The following SLC44A5 variants were observed in gnomAD, a reference collection of about 807,000 sequenced individuals.
SLC44A5 encodes the protein choline transporter-like protein 5.
SLC44A5 carries 57 observed loss-of-function variants against 101.8 expected under a neutral mutation model. The observed-to-expected ratio is 0.56, with a 90% CI of 0.45 to 0.70. The LOEUF is 0.70. SLC44A5 is among the 30% of genes least tolerant of loss of function. SLC44A5 has a pLI of 0.00. For synonymous variants in SLC44A5, 281 were observed against 290.9 expected, an observed-to-expected ratio of 0.97 and a Z score of 0.35; for missense variants, 737 against 853.1, an observed-to-expected ratio of 0.86 and a Z score of 1.70.
At chr1:75,518,397 G>A (rs1387201887) in intron 2 of SLC44A5, among the ~76,000 whole-genome samples, 1 of 151,888 alleles carries the variant, frequency 6.6e-6, no homozygotes, top group African/African-American at 2.4e-5. Context: ...TGTATACTAC[G>A]AGCAGTCTGT....
intron 1 of SLC44A5, among the ~76,000 whole-genome samples, chr1:75,572,162 A>T (rs950808866): frequency 2.0e-5 from 3 of 152,202 alleles, no homozygotes; most frequent in Non-Finnish European, 2.9e-5. Flanking sequence ...AGCCATAAAG[A>T]AAACATAAGA....
intron 3 of SLC44A5, among the ~76,000 whole-genome samples, chr1:75,346,278 T>C (rs1446043893): frequency 6.6e-6 from 1 of 152,184 alleles, no homozygotes; most frequent in African/African-American, 2.4e-5. Flanking sequence ...ACCAAGAATG[T>C]CAAATCTCCT....
intron 10 of SLC44A5, 63 bp downstream of exon 10, chr1:75,238,450 C>CT: frequency 7.3e-7 from 1 of 1,368,448 alleles, no homozygotes; most frequent in South Asian, 1.6e-5. Context: ...CCAATAGGCG[C>CT]TTTAGTCTCG....
chr1:75,384,209 T>C (rs1237406364), intron 3 of SLC44A5, among the ~76,000 whole-genome samples: 1 of 152,128 alleles, frequency 6.6e-6, no homozygotes, highest in African/African-American at 2.4e-5. Context: ...CATAACAATA[T>C]TAACTTTACA....
chr1:75,529,725 T>C (rs1670618053), intron 2 of SLC44A5, among the ~76,000 whole-genome samples: 1 of 152,180 alleles, frequency 6.6e-6, no homozygotes, highest in Non-Finnish European at 1.5e-5. Context: ...AGAAATAGTA[T>C]CCTGGGAACT....
intron 1 of SLC44A5, among the ~76,000 whole-genome samples, chr1:75,553,949 A>G (rs932487887): frequency 1.3e-5 from 2 of 152,196 alleles, no homozygotes; most frequent in Admixed American, 1.3e-4. Context: ...GAAGCAGGGC[A>G]CTGTCAGGTT....
At chr1:75,684,484 C>T in the SLC44A5 span, among the ~76,000 whole-genome samples, 3 of 152,052 alleles carry the variant, frequency 2.0e-5, no homozygotes, top group East Asian at 3.9e-4. Flanking sequence ...TTAGTTATTT[C>T]CTAGATACAA....
At chr1:75,638,813 G>A in the SLC44A5 span, among the ~76,000 whole-genome samples, 115 of 151,820 alleles carry the variant, frequency 7.6e-4, no homozygotes, top group Admixed American at 2.8e-3. Flanking sequence ...CTTCATTTTC[G>A]ACACTTAGAT....
intron 2 of SLC44A5, among the ~76,000 whole-genome samples, chr1:75,476,655 C>T (rs979562938): frequency 1.3e-5 from 2 of 152,244 alleles, no homozygotes; most frequent in Non-Finnish European, 2.9e-5. Flanking sequence ...ATTGCTAGCA[C>T]AGCAGTCTGA....
At chr1:75,368,302 C>T (rs1343552896) in intron 3 of SLC44A5, among the ~76,000 whole-genome samples, 1 of 152,122 alleles carries the variant, frequency 6.6e-6, no homozygotes. Context: ...GTTTCTAGAA[C>T]CTTTCCCTTA....
At position 75,365,582 on chromosome 1, in the gene SLC44A5, G is replaced by A. The variant is rs1449532205; in HGVS notation, c.53-25952C>T. 3.9e-5 allele frequency among the ~76,000 whole-genome samples: 6 copies of A among 152,028 alleles called. No individual in the cohort carries two copies. In the East Asian group the frequency reaches 5.8e-4, roughly 15 times the overall value. ...AAATCATTCTATTATAAAGACACAC[G>A]TATATTTATGTTCATCGCAGCACTA... On this transcript the variant is annotated intron_variant, in intron 3 of 23. Coordinates refer to ENST00000370859, the MANE Select transcript of SLC44A5 (RefSeq NM_001130058.2).
the SLC44A5 span, among the ~76,000 whole-genome samples, chr1:75,669,323 T>A: frequency 6.6e-6 from 1 of 152,160 alleles, no homozygotes; most frequent in Non-Finnish European, 1.5e-5. Context: ...ATACCCAAGG[T>A]CACTGTACTG....
the SLC44A5 span, among the ~76,000 whole-genome samples, chr1:75,646,873 T>A: frequency 6.6e-6 from 1 of 152,164 alleles, no homozygotes; most frequent in Non-Finnish European, 1.5e-5. Flanking sequence ...TGGCAAAGTG[T>A]TCAAGAGGTG....
intron 5 of SLC44A5, among the ~76,000 whole-genome samples, chr1:75,291,068 T>A (rs1653501423): frequency 6.6e-6 from 1 of 152,118 alleles, no homozygotes; most frequent in Non-Finnish European, 1.5e-5. Flanking sequence ...TACCAAGAAA[T>A]GAAAGTAGGC....
rs10677527 is a variant in SLC44A5 at position 75,347,685 on chromosome 1, AGTGTGTGT to A, written c.53-8063_53-8056del. Among the ~76,000 whole-genome samples the A allele has an allele frequency of 7.4e-5, 11 of 148,048 alleles. No individual in the cohort carries two copies. In the South Asian group the frequency reaches 1.3e-3, roughly 17 times the overall value. On this transcript the variant is annotated intron_variant, in intron 3 of 23. Coordinates refer to ENST00000370859, the MANE Select transcript of SLC44A5 (RefSeq NM_001130058.2). ...TCCCAGGGCTAAGGGAGTGGTGGTG[AGTGTGTGT>A]GTGTGTGTGTGTGTGTTACAGATTA...
chr1:75,391,926 G>C (rs551901062), intron 3 of SLC44A5, among the ~76,000 whole-genome samples: 15 of 152,236 alleles, frequency 9.9e-5, no homozygotes, highest in African/African-American at 2.6e-4. Context: ...GGCCAAGATG[G>C]GTGGATTGCT....
At chr1:75,637,682 A>G in the SLC44A5 span, among the ~76,000 whole-genome samples, 1 of 152,080 alleles carries the variant, frequency 6.6e-6, no homozygotes, top group Admixed American at 6.6e-5. Context: ...TTACATTAAG[A>G]AATTAAGCAG....
chr1:75,277,249 TATA>T (rs1169023171), intron 5 of SLC44A5, among the ~76,000 whole-genome samples: 2 of 152,158 alleles, frequency 1.3e-5, no homozygotes, highest in African/African-American at 2.4e-5. Context: ...GAGGAAATAG[TATA>T]ATAATAAGAT....
intron 2 of SLC44A5, among the ~76,000 whole-genome samples, chr1:75,537,039 T>TATATATATATATAG (rs1203655345): frequency 1.3e-5 from 1 of 79,812 alleles, no homozygotes; most frequent in Non-Finnish European, 2.8e-5. Context: ...AAAAAATATA[T>TATATATATATATAG]ATCTATGCCA....
Sources: allele counts gnomAD v4.1 joint callset (sites outside exome capture counted in the v4.1 genomes callset), GRCh38; gene constraint gnomAD v4.1.1; transcripts MANE v1.5; gene names NCBI Gene and HGNC (gene_info 2026-07-23, HGNC 2026-07-21).